SOX5: variants seen among roughly 807,000 people sequenced by gnomAD.
SOX5 encodes transcription factor SOX-5.
Under a neutral mutation model 92.0 loss-of-function variants are expected in SOX5, and 9 were observed. The ratio of observed to expected loss-of-function variants is 0.10; its 90% CI spans 0.06 to 0.17. The LOEUF is 0.17. SOX5 is among the 10% of genes least tolerant of loss of function. The probability of loss-of-function intolerance (pLI) is 1.00; values close to 1 mark genes in which losing one functional copy is unlikely to be tolerated. For synonymous variants in SOX5, 344 were observed against 336.3 expected (o/e 1.02, Z -0.25); for missense variants, 642 against 944.5 (o/e 0.68, Z 4.20).
intron 1 of SOX5, among the ~76,000 whole-genome samples, chr12:23,919,855 A>G (rs1344236671): frequency 6.6e-6 from 1 of 152,230 alleles, no homozygotes; most frequent in Non-Finnish European, 1.5e-5. Flanking sequence ...TAAAAATGGC[A>G]TATCTTCTGG....
intron 2 of SOX5, among the ~76,000 whole-genome samples, chr12:24,324,283 A>G (rs1438644717): frequency 2.6e-5 from 4 of 152,114 alleles, no homozygotes; most frequent in African/African-American, 9.7e-5. Flanking sequence ...TGAAAAAAAA[A>G]TCAAGGTTCA....
At chr12:23,535,004 C>T (rs1407868597) in intron 14 of SOX5, among the ~76,000 whole-genome samples, 1 of 152,142 alleles carries the variant, frequency 6.6e-6, no homozygotes, top group Non-Finnish European at 1.5e-5. Context: ...GCCACCGCAC[C>T]AGGCCTAATA....
chr12:23,945,257 T>C (rs1944375795), intron 1 of SOX5, among the ~76,000 whole-genome samples: 1 of 152,154 alleles, frequency 6.6e-6, no homozygotes, highest in Admixed American at 6.6e-5. Flanking sequence ...TCATGTATGA[T>C]GCGTATACAA....
At chr12:24,042,707 A>T (rs528192452) in intron 4 of SOX5, among the ~76,000 whole-genome samples, 2 of 152,232 alleles carry the variant, frequency 1.3e-5, no homozygotes, top group South Asian at 4.1e-4. Flanking sequence ...AAGATATTTT[A>T]TTTCACTGGG....
At chr12:24,428,800 A>C (rs535740259) in intron 1 of SOX5, among the ~76,000 whole-genome samples, 1 of 148,800 alleles carries the variant, frequency 6.7e-6, no homozygotes, top group South Asian at 2.2e-4. Flanking sequence ...TAAGTTCAGA[A>C]ACCATCATTC....
chr12:23,781,153 G>T (rs933905736), intron 3 of SOX5, among the ~76,000 whole-genome samples: 15 of 151,954 alleles, frequency 9.9e-5, no homozygotes. Context: ...AACAGGGCAC[G>T]GTATCAAAGG....
intron 8 of SOX5, among the ~76,000 whole-genome samples, chr12:23,627,590 G>GC (rs1039232125): frequency 6.6e-6 from 1 of 151,984 alleles, no homozygotes; most frequent in Non-Finnish European, 1.5e-5. Context: ...TTTCGTGTGT[G>GC]CCATGTCATT....
intron 2 of SOX5, among the ~76,000 whole-genome samples, chr12:24,344,909 G>A (rs1164282239): frequency 2.0e-5 from 3 of 152,058 alleles, no homozygotes; most frequent in Non-Finnish European, 2.9e-5. Flanking sequence ...AGGAAGCCTG[G>A]GCTGCTTATA....
intron 3 of SOX5, among the ~76,000 whole-genome samples, chr12:24,229,014 C>T (rs2139907100): frequency 6.6e-6 from 1 of 152,324 alleles, no homozygotes. Context: ...TCTCCCCCAA[C>T]CCCAATTTCT....
intron 1 of SOX5, among the ~76,000 whole-genome samples, chr12:24,549,954 GA>G (rs943897536): frequency 6.6e-6 from 1 of 152,082 alleles, no homozygotes; most frequent in Non-Finnish European, 1.5e-5. Context: ...GAAGAAAGGG[GA>G]AAATGCAAGC....
intron 1 of SOX5, among the ~76,000 whole-genome samples, chr12:24,545,181 T>C (rs747830326): frequency 1.3e-5 from 2 of 152,162 alleles, no homozygotes; most frequent in Non-Finnish European, 2.9e-5. Flanking sequence ...CACCACCATA[T>C]GTGTAGGTCC....
intron 3 of SOX5, among the ~76,000 whole-genome samples, chr12:24,270,233 G>T (rs1484241029): frequency 6.6e-6 from 1 of 151,806 alleles, no homozygotes; most frequent in Non-Finnish European, 1.5e-5. Context: ...GCTAATTTTT[G>T]TATTTTTAGT....
In SOX5 at chr12:23,650,801, C is replaced by T. The variant is rs376675612; in HGVS notation, c.932-9904G>A. 5.9e-5 allele frequency among the ~76,000 whole-genome samples: 9 copies of T among 152,146 alleles called. No individual in the cohort carries two copies. In the East Asian group the frequency reaches 1.2e-3, roughly 20 times the overall value. On this transcript the variant is annotated intron_variant, in intron 7 of 14. Transcript: ENST00000451604. ...GCCTTATGTTTTCCTTTGAAGACAA[C>T]GTTAAGTCACTGAAAGGTTTTAAGC... is the stretch of plus-strand genomic sequence containing the variant.
intron 6 of SOX5, among the ~76,000 whole-genome samples, chr12:23,668,362 C>CATAGCAACTTT (rs1413228107): frequency 6.6e-6 from 1 of 152,142 alleles, no homozygotes; most frequent in African/African-American, 2.4e-5. Context: ...ATTCAGTGTT[C>CATAGCAACTTT]ATAGCAACTT....
chr12:24,337,284 G>A (rs1397566603), intron 2 of SOX5, among the ~76,000 whole-genome samples: 1 of 151,082 alleles, frequency 6.6e-6, no homozygotes, highest in Non-Finnish European at 1.5e-5. Context: ...ATCCCCAGAT[G>A]TATCATTAAC....
chr12:23,594,613 A>G (rs1344349193), intron 9 of SOX5, among the ~76,000 whole-genome samples: 127 of 152,180 alleles, frequency 8.3e-4, no homozygotes, highest in Non-Finnish European at 2.4e-4. Context: ...ACATAATAAC[A>G]ATAGCTAGAT....
intron 2 of SOX5, among the ~76,000 whole-genome samples, chr12:23,893,078 G>A (rs753877157): frequency 9.2e-5 from 14 of 152,190 alleles, no homozygotes; most frequent in East Asian, 3.8e-4. Flanking sequence ...ATCTATTTCC[G>A]TAGTGTCTAG....
intron 4 of SOX5, among the ~76,000 whole-genome samples, chr12:24,137,392 G>T (rs1950201311): frequency 6.6e-6 from 1 of 152,104 alleles, no homozygotes; most frequent in African/African-American, 2.4e-5. Flanking sequence ...TAGCACTTTG[G>T]GAGGCCGAGG....
intron 3 of SOX5, chr12:24,277,089 T>C (rs944971416): frequency 3.3e-5 from 5 of 152,110 alleles, no homozygotes; most frequent in Non-Finnish European, 7.4e-5. Flanking sequence ...TATACTTTTA[T>C]ATGCATATGT....
Sources: gnomAD v4.1 joint callset for allele counts (sites outside exome capture counted in the v4.1 genomes callset) on GRCh38, gnomAD v4.1.1 for gene constraint, MANE v1.5 for transcripts, NCBI Gene and HGNC (gene_info 2026-07-23, HGNC 2026-07-21) for gene names.